GPR39: variants seen among roughly 807,000 people sequenced by gnomAD.
GPR39 encodes zinc sensing receptor.
In GPR39, 23 loss-of-function variants were observed where a neutral mutation model predicts 18.4. The ratio of observed to expected loss-of-function variants is 1.25; its 90% CI spans 0.90 to 1.77. The LOEUF is 1.77. Among genes scored for constraint, GPR39 ranks in the 40% most tolerant of loss-of-function variants. The pLI, the probability that GPR39 is intolerant of heterozygous loss-of-function variation, is 0.00. For missense variants in GPR39, 647 were observed against 602.4 expected (o/e 1.07, Z -0.78); for synonymous variants, 280 against 257.9 (o/e 1.09, Z -0.82).
intron 1 of GPR39, among the ~76,000 whole-genome samples, chr2:132,555,427 A>G (rs1388049554): frequency 1.3e-5 from 2 of 152,140 alleles, no homozygotes; most frequent in Admixed American, 6.6e-5. Flanking sequence ...CAGTCATCCA[A>G]AGGCTTTCCT....
At chr2:132,532,492 T>C (rs1357742457) in intron 1 of GPR39, among the ~76,000 whole-genome samples, 1 of 152,158 alleles carries the variant, frequency 6.6e-6, no homozygotes, top group Non-Finnish European at 1.5e-5. Context: ...CTAACTCATT[T>C]TATGAGGCCA....
intron 1 of GPR39, among the ~76,000 whole-genome samples, chr2:132,508,483 A>G (rs191917020): frequency 9.9e-5 from 15 of 152,164 alleles, no homozygotes; most frequent in East Asian, 7.7e-4. Context: ...TGGAGACTAA[A>G]TGCTCAGGGT....
At chr2:132,635,484 TTCTGGACTAAGA>T (rs1399740674) in intron 1 of GPR39, among the ~76,000 whole-genome samples, 4 of 152,112 alleles carry the variant, frequency 2.6e-5, no homozygotes. Context: ...AAGCAGAAAC[TTCTGGACTAAGA>T]TCTGGACTAA....
intron 1 of GPR39, among the ~76,000 whole-genome samples, chr2:132,425,281 A>G (rs967148676): frequency 6.6e-6 from 1 of 152,156 alleles, no homozygotes; most frequent in Admixed American, 6.5e-5. Flanking sequence ...GGGGGCACAG[A>G]TGATGTCTCT....
intron 1 of GPR39, among the ~76,000 whole-genome samples, chr2:132,497,967 A>G (rs1681679298): frequency 6.6e-6 from 1 of 152,198 alleles, no homozygotes; most frequent in African/African-American, 2.4e-5. Flanking sequence ...AAAAGGCTCC[A>G]ATCTGCATTT....
At chr2:132,607,070 C>A (rs766218106) in intron 1 of GPR39, among the ~76,000 whole-genome samples, 1 of 152,052 alleles carries the variant, frequency 6.6e-6, no homozygotes, top group Non-Finnish European at 1.5e-5. Context: ...AGGCTGGGGG[C>A]GGGTAATATG....
intron 1 of GPR39, among the ~76,000 whole-genome samples, chr2:132,528,179 A>C (rs1679546643): frequency 6.6e-6 from 1 of 152,170 alleles, no homozygotes; most frequent in South Asian, 2.1e-4. Flanking sequence ...CCACTTATTA[A>C]ATGGGGAATC....
At chr2:132,426,174 C>G (rs1680114754) in intron 1 of GPR39, among the ~76,000 whole-genome samples, 1 of 152,162 alleles carries the variant, frequency 6.6e-6, no homozygotes, top group South Asian at 2.1e-4. Context: ...TGCCTTTGGC[C>G]CAGCCATTCA....
chr2:132,510,058 G>T (rs186871038), intron 1 of GPR39, among the ~76,000 whole-genome samples: 93 of 152,302 alleles, frequency 6.1e-4, no homozygotes, highest in African/African-American at 2.0e-3. Context: ...TGACTGAGAG[G>T]CTCAATGGAG....
chr2:132,505,930 A>G (rs1424193151), intron 1 of GPR39, among the ~76,000 whole-genome samples: 11 of 152,182 alleles, frequency 7.2e-5, no homozygotes, highest in Admixed American at 7.2e-4. Flanking sequence ...AGTGGGATTG[A>G]TGGATCATAT....
intron 1 of GPR39, among the ~76,000 whole-genome samples, chr2:132,558,001 G>T (rs1374012947): frequency 1.3e-5 from 2 of 150,644 alleles, no homozygotes; most frequent in African/African-American, 4.9e-5. Context: ...TGGGGTGGGG[G>T]TGGTCCTGGG....
At chr2:132,476,204 A>G (rs1418180170) in intron 1 of GPR39, among the ~76,000 whole-genome samples, 2 of 152,182 alleles carry the variant, frequency 1.3e-5, no homozygotes, top group African/African-American at 2.4e-5. Flanking sequence ...TAAAAGACCA[A>G]AGGTGAATTG....
intron 1 of GPR39, among the ~76,000 whole-genome samples, chr2:132,490,923 C>T (rs115498918): frequency 6.2e-4 from 94 of 152,228 alleles, no homozygotes; most frequent in African/African-American, 2.2e-3. Flanking sequence ...AAAGGGGCTG[C>T]GAAGGCTCTG....
chr2:132,635,635 T>C (rs1681739222), intron 1 of GPR39, among the ~76,000 whole-genome samples: 1 of 151,188 alleles, frequency 6.6e-6, no homozygotes, highest in South Asian at 2.1e-4. Flanking sequence ...AGAAAAGAGA[T>C]GGGGGAGGGG....
At chr2:132,533,421 C>T (rs1363358902) in intron 1 of GPR39, among the ~76,000 whole-genome samples, 1 of 136,396 alleles carries the variant, frequency 7.3e-6, no homozygotes, top group Non-Finnish European at 1.6e-5. Flanking sequence ...CCATACTGCC[C>T]CAGGTAATTT....
intron 1 of GPR39, among the ~76,000 whole-genome samples, chr2:132,633,836 GTGA>G (rs983100603): frequency 2.3e-4 from 35 of 152,242 alleles, no homozygotes; most frequent in African/African-American, 7.9e-4. Context: ...AGAGGTGGAG[GTGA>G]TGATGTTGGT....
At chr2:132,440,829 C>T (rs1399062567) in intron 1 of GPR39, among the ~76,000 whole-genome samples, 1 of 152,104 alleles carries the variant, frequency 6.6e-6, no homozygotes, top group East Asian at 1.9e-4. Flanking sequence ...CAACAAGACC[C>T]AGGAAGGATA....
intron 1 of GPR39, among the ~76,000 whole-genome samples, chr2:132,491,582 T>G (rs556930552): frequency 1.2e-4 from 19 of 152,060 alleles, no homozygotes; most frequent in Admixed American, 3.3e-4. Context: ...AAATTTATTC[T>G]GCAGGCCAGA....
intron 1 of GPR39, among the ~76,000 whole-genome samples, chr2:132,567,770 T>C (rs1680376974): frequency 6.6e-6 from 1 of 152,066 alleles, no homozygotes; most frequent in Non-Finnish European, 1.5e-5. Context: ...ACCTGAAAAG[T>C]TCTTTAAAAA....
Sources: allele counts gnomAD v4.1 joint callset (sites outside exome capture counted in the v4.1 genomes callset), GRCh38; gene constraint gnomAD v4.1.1; transcripts MANE v1.5; gene names NCBI Gene and HGNC (gene_info 2026-07-23, HGNC 2026-07-21).